ALKBH1: variants seen among roughly 807,000 people sequenced by gnomAD.
ALKBH1 encodes nucleic acid dioxygenase ALKBH1.
In ALKBH1, 31 loss-of-function variants were observed where a neutral mutation model predicts 36.6. That is an observed-to-expected ratio of 0.85 (90% confidence interval 0.64 to 1.14). ALKBH1 has a LOEUF of 1.14. ALKBH1 is among the 50% of genes most tolerant of loss of function. The pLI, the probability that ALKBH1 is intolerant of heterozygous loss-of-function variation, is 0.00. For missense variants in ALKBH1, 490 were observed against 497.3 expected (o/e 0.99, Z 0.14); for synonymous variants, 183 against 186.6 (o/e 0.98, Z 0.16).
chr14:77,683,507 G>A, intron 3 of ALKBH1: 1 of 681,522 alleles, frequency 1.5e-6, no homozygotes, highest in East Asian at 2.8e-5. Context: ...GTTTTGCCAT[G>A]GCAACATTTA....
Position 77,675,807 on chromosome 14 carries a change from C to G in ALKBH1, c.589G>C (p.Gly197Arg). ...DHYTPFPSDL[G>R]FLSEQVAAAC... ...GCGGCTACTTGCTCTGAGAGGAAACCCAGGTCAGAAGGGAAAGGTGTGTAA... is the reference window on the plus strand; with the variant it reads ...GCGGCTACTTGCTCTGAGAGGAAACGCAGGTCAGAAGGGAAAGGTGTGTAA... The change falls in exon 5 of 6, where the codon GGT (glycine) becomes CGT (arginine). Residue 197 changes from glycine (G) to arginine (R), a missense_variant. Gly to Arg is a moderately radical substitution (Grantham distance 125). Coordinates refer to ENST00000216489, the MANE Select transcript of ALKBH1 (RefSeq NM_006020.3). The G allele has an allele frequency of 6.2e-7, 1 of 1,613,898 alleles. No homozygotes were observed. The highest frequency in any genetic ancestry group is 1.1e-5 in the South Asian group (1 of 91,066).
intron 3 of ALKBH1, among the ~76,000 whole-genome samples, chr14:77,680,738 G>T (rs1370849537): frequency 6.8e-6 from 1 of 146,992 alleles, no homozygotes. Context: ...GGAGTGCAAT[G>T]GCGCGATCTT....
chr14:77,686,304 C>G (rs2080267959), intron 3 of ALKBH1, among the ~76,000 whole-genome samples: 1 of 152,142 alleles, frequency 6.6e-6, no homozygotes, highest in African/African-American at 2.4e-5. Flanking sequence ...CTTTTTAAAC[C>G]TGACTTGTCC....
chr14:77,697,792 C>T (rs955139947), intron 2 of ALKBH1, among the ~76,000 whole-genome samples: 8 of 151,174 alleles, frequency 5.3e-5, no homozygotes, highest in African/African-American at 1.9e-4. Context: ...GCAGGCAGAT[C>T]ACTTGAGCTC....
At chr14:77,688,016 A>G (rs2080277655) in intron 3 of ALKBH1, among the ~76,000 whole-genome samples, 1 of 152,126 alleles carries the variant, frequency 6.6e-6, no homozygotes, top group South Asian at 2.1e-4. Flanking sequence ...CAGGCATTTC[A>G]AAAAACAGTA....
intron 3 of ALKBH1, chr14:77,691,840 C>T (rs142298152): frequency 1.3e-5 from 2 of 152,258 alleles, no homozygotes; most frequent in East Asian, 3.9e-4. Flanking sequence ...CTTGAAAACA[C>T]AGGCTGGTTT....
At chr14:77,681,397 C>T (rs1202672564) in intron 3 of ALKBH1, among the ~76,000 whole-genome samples, 1 of 152,120 alleles carries the variant, frequency 6.6e-6, no homozygotes, top group Non-Finnish European at 1.5e-5. Flanking sequence ...ATGCAGTAGG[C>T]AATATGGGCA....
intron 3 of ALKBH1, among the ~76,000 whole-genome samples, chr14:77,691,540 A>C (rs1310839278): frequency 1.3e-5 from 2 of 152,248 alleles, no homozygotes; most frequent in East Asian, 3.9e-4. Context: ...CAATACCTTC[A>C]TTTCTTACAT....
chr14:77,703,593 CTTTTTTTT>C (rs200488919), intron 2 of ALKBH1, among the ~76,000 whole-genome samples: 42 of 112,862 alleles, frequency 3.7e-4, no homozygotes, highest in Middle Eastern at 5.2e-3. Flanking sequence ...CTGCGTCCAG[CTTTTTTTT>C]TTTTTTTTTT....
chr14:77,694,698 A>AGCTG, intron 3 of ALKBH1, 40 bp downstream of exon 3: 1 of 1,485,012 alleles, frequency 6.7e-7, no homozygotes, highest in Non-Finnish European at 9.0e-7. Flanking sequence ...TGATGATCTG[A>AGCTG]GCTGAGTATT....
At chr14:77,684,340 C>T (rs1166368746) in intron 3 of ALKBH1, among the ~76,000 whole-genome samples, 2 of 151,894 alleles carry the variant, frequency 1.3e-5, no homozygotes, top group African/African-American at 4.8e-5. Flanking sequence ...TTCTTTCTAG[C>T]TCAATAACAG....
At position 77,708,011 on chromosome 14, in the gene ALKBH1, G is replaced by A. The variant is rs1462452847; in HGVS notation, c.-7C>T. Reference sequence around the variant, plus strand: ...CCGCTGCCATCTTCCCCATCTCGCGGCCTATACCCTCTGATCCGGAAGCAG... The same window carrying A: ...CCGCTGCCATCTTCCCCATCTCGCGACCTATACCCTCTGATCCGGAAGCAG... On this transcript the variant is annotated 5_prime_UTR_variant, in exon 1 of 6. Coordinates refer to ENST00000216489, the MANE Select transcript of ALKBH1 (RefSeq NM_006020.3). The A allele has an allele frequency of 2.5e-6, 4 of 1,609,656 alleles. No individual in the cohort carries two copies. In the South Asian group the frequency reaches 3.3e-5, roughly 13 times the overall value.
intron 2 of ALKBH1, among the ~76,000 whole-genome samples, chr14:77,695,271 T>C (rs907685647): frequency 1.3e-5 from 2 of 152,244 alleles, no homozygotes; most frequent in Admixed American, 1.3e-4. Context: ...CGAAATCTTA[T>C]AATGAATTTT....
At chr14:77,682,433 T>A (rs1489394617) in intron 3 of ALKBH1, among the ~76,000 whole-genome samples, 1 of 152,180 alleles carries the variant, frequency 6.6e-6, no homozygotes, top group Non-Finnish European at 1.5e-5. Flanking sequence ...CTTATAGAGG[T>A]GATCCATTCT....
At chr14:77,697,607 T>C (rs1396394261) in intron 2 of ALKBH1, among the ~76,000 whole-genome samples, 19 of 151,096 alleles carry the variant, frequency 1.3e-4, no homozygotes, top group Admixed American at 8.0e-4. Context: ...TCATTATTTA[T>C]ACGTTAATAG....
At chr14:77,705,453 G>A (rs2080383970) in intron 1 of ALKBH1, among the ~76,000 whole-genome samples, 1 of 149,704 alleles carries the variant, frequency 6.7e-6, no homozygotes, top group Non-Finnish European at 1.5e-5. Context: ...AGAGAGTGCT[G>A]TAAACAGACA....
chr14:77,700,767 A>G (rs963290316), intron 2 of ALKBH1, among the ~76,000 whole-genome samples: 1 of 152,128 alleles, frequency 6.6e-6, no homozygotes, highest in Non-Finnish European at 1.5e-5. Flanking sequence ...ATTTTAGACA[A>G]CTGTTGTCTT....
intron 2 of ALKBH1, among the ~76,000 whole-genome samples, chr14:77,697,942 G>A (rs1167880087): frequency 6.6e-6 from 1 of 152,056 alleles, no homozygotes; most frequent in Non-Finnish European, 1.5e-5. Context: ...GAACCCAGGA[G>A]GCACAGGTTG....
At chr14:77,706,779 A>G (rs947051283) in intron 1 of ALKBH1, among the ~76,000 whole-genome samples, 7 of 152,208 alleles carry the variant, frequency 4.6e-5, no homozygotes, top group African/African-American at 1.7e-4. Flanking sequence ...CTGTATTTTG[A>G]CAACTCTAAG....
Sources: gnomAD v4.1 joint callset for allele counts (sites outside exome capture counted in the v4.1 genomes callset) on GRCh38, gnomAD v4.1.1 for gene constraint, MANE v1.5 for transcripts, NCBI Gene and HGNC (gene_info 2026-07-23, HGNC 2026-07-21) for gene names.